The following FAT3 variants were observed in gnomAD, a reference collection of about 807,000 sequenced individuals.
FAT3 encodes protocadherin Fat 3.
FAT3 carries 95 observed loss-of-function variants against 310.2 expected under a neutral mutation model. The ratio of observed to expected loss-of-function variants is 0.31; its 90% CI spans 0.26 to 0.36. FAT3 has a LOEUF of 0.36. Ranked by LOEUF, FAT3 falls within the 10% of genes least tolerant of loss-of-function variation. The pLI is 1.00. For synonymous variants in FAT3, 2,314 were observed against 2,192.9 expected (o/e 1.06, Z -1.54); for missense variants, 5,408 against 5,715.6 (o/e 0.95, Z 1.74).
chr11:92,656,498 ATCT>A (rs1329726279), intron 3 of FAT3, among the ~76,000 whole-genome samples: 1 of 152,222 alleles, frequency 6.6e-6, no homozygotes, highest in Non-Finnish European at 1.5e-5. Flanking sequence ...GCATGTAGAC[ATCT>A]TCTTGATGTA....
chr11:92,442,106 TA>T (rs1565320177), intron 2 of FAT3, among the ~76,000 whole-genome samples: 36 of 17,168 alleles, frequency 2.1e-3, no homozygotes, highest in Non-Finnish European at 4.3e-3. Flanking sequence ...TATATATATA[TA>T]TATATTTTTT....
At chr11:92,527,659 A>G (rs1953913587) in intron 3 of FAT3, among the ~76,000 whole-genome samples, 3 of 152,214 alleles carry the variant, frequency 2.0e-5, no homozygotes, top group Admixed American at 6.5e-5. Context: ...TCTAAGTATC[A>G]TGCTGCCTAG....
intron 2 of FAT3, among the ~76,000 whole-genome samples, chr11:92,492,960 T>G (rs1158543169): frequency 1.3e-5 from 2 of 152,098 alleles, no homozygotes; most frequent in African/African-American, 4.8e-5. Context: ...TAAGAGGAGT[T>G]AACAGAGTTT....
rs142858242 is a variant in FAT3, at chr11:92,876,309, G to A, written c.12128-4422G>A. Among the ~76,000 whole-genome samples, 429 of 152,242 alleles carry A rather than the reference G, an allele frequency of 2.8e-3. 4 individuals carry two copies. The highest frequency in any genetic ancestry group is 0.01 in the African/African-American group (417 of 41,540). On this transcript the variant is annotated intron_variant, in intron 22 of 27. Coordinates refer to ENST00000525166, the MANE Select transcript of FAT3 (RefSeq NM_001367949.2). The stretch of plus-strand genomic sequence containing the variant: ...GACATGCCATCATAGCCAACAACTA[G>A]CCAGGTGACACAAAGAAGCGTTTTT...
intron 3 of FAT3, among the ~76,000 whole-genome samples, chr11:92,624,415 G>T (rs763143758): frequency 2.6e-5 from 4 of 152,170 alleles, no homozygotes; most frequent in Non-Finnish European, 5.9e-5. Flanking sequence ...ATCCTAAAGG[G>T]CCTGGCATGT....
intron 3 of FAT3, among the ~76,000 whole-genome samples, chr11:92,637,651 TA>T (rs1472914388): frequency 5.3e-5 from 8 of 152,200 alleles, no homozygotes; most frequent in African/African-American, 1.9e-4. Context: ...GAACATACGT[TA>T]AGAACTATAG....
intron 13 of FAT3, among the ~76,000 whole-genome samples, chr11:92,823,975 T>C (rs1948037489): frequency 6.6e-6 from 1 of 152,210 alleles, no homozygotes; most frequent in African/African-American, 2.4e-5. Flanking sequence ...TTAAGCTGTT[T>C]CATTGTAGTG....
intron 3 of FAT3, among the ~76,000 whole-genome samples, chr11:92,546,135 C>T (rs1195768835): frequency 6.6e-6 from 1 of 152,174 alleles, no homozygotes; most frequent in Non-Finnish European, 1.5e-5. Flanking sequence ...ATGATACTTT[C>T]CAAGTTTCAA....
Position 92,781,502 on chromosome 11 carries a change from T to C in FAT3, c.4335+7322T>C, listed in dbSNP as rs185961220. 4.3e-4 allele frequency among the ~76,000 whole-genome samples: 66 copies of C among 152,302 alleles called. No homozygotes were observed. The East Asian group carries it at 0.012, about 27-fold the overall frequency. ...GCTTAGGTATACATAGGTAAAGAGA[T>C]ATAAACCTGCTTCTTCTCAAAATCA... On this transcript the variant is annotated intron_variant, in intron 7 of 27. Transcript: ENST00000525166.
At chr11:92,320,531 T>C (rs1276652761) in intron 1 of FAT3, among the ~76,000 whole-genome samples, 1 of 152,162 alleles carries the variant, frequency 6.6e-6, no homozygotes, top group East Asian at 1.9e-4. Context: ...AGGATCAAAT[T>C]CATTTTTTTG....
intron 2 of FAT3, among the ~76,000 whole-genome samples, chr11:92,387,516 A>G (rs1232473805): frequency 1.3e-5 from 2 of 152,098 alleles, no homozygotes; most frequent in African/African-American, 4.8e-5. Context: ...GGATGAATTG[A>G]AGCACCCAAC....
chr11:92,566,503 C>T (rs1187948831), intron 3 of FAT3, among the ~76,000 whole-genome samples: 5 of 151,578 alleles, frequency 3.3e-5, no homozygotes, highest in African/African-American at 1.2e-4. Context: ...ATCAAGCTAC[C>T]AATGACTTTC....
intron 7 of FAT3, among the ~76,000 whole-genome samples, chr11:92,789,117 T>G (rs761580712): frequency 3.3e-5 from 5 of 152,178 alleles, no homozygotes; most frequent in Non-Finnish European, 7.3e-5. Flanking sequence ...TTTCTCTGTT[T>G]AGGTGCAGCA....
chr11:92,371,528 C>A (rs1949187840), intron 2 of FAT3, among the ~76,000 whole-genome samples: 2 of 152,228 alleles, frequency 1.3e-5, no homozygotes, highest in South Asian at 2.1e-4. Context: ...CCAGCCTTGC[C>A]AACATGGTGA....
chr11:92,737,197 A>G (rs1463198453), intron 4 of FAT3, among the ~76,000 whole-genome samples: 1 of 152,188 alleles, frequency 6.6e-6, no homozygotes, highest in Non-Finnish European at 1.5e-5. Context: ...AGCAGAGGGG[A>G]AAGAAATTGA....
At chr11:92,702,301 A>G (rs1944122193) in intron 4 of FAT3, among the ~76,000 whole-genome samples, 1 of 152,186 alleles carries the variant, frequency 6.6e-6, no homozygotes, top group South Asian at 2.1e-4. Flanking sequence ...GTGTGAATGA[A>G]TGCTTACATT....
At chr11:92,355,650 G>T (rs1282693036) in intron 2 of FAT3, among the ~76,000 whole-genome samples, 1 of 152,210 alleles carries the variant, frequency 6.6e-6, no homozygotes. Flanking sequence ...TTCTTGCTCA[G>T]CACTATTGCT....
chr11:92,792,896 C>T lies in FAT3; in HGVS notation c.4741C>T (p.Leu1581=), dbSNP rs1310284407. 1 of 1,613,710 alleles carries T rather than the reference C, an allele frequency of 6.2e-7. No homozygotes were observed. The highest frequency in any genetic ancestry group is 1.3e-5 in the African/African-American group (1 of 74,906). ...YEASVFESAA[L]GSAVLQVTAL... ...AGCGTCTGTGTTTGAATCTGCTGCT[C>T]TGGGATCAGCTGTTCTGCAAGTGAC... The change falls in exon 9 of 28, where the codon CTG becomes TTG. Residue 1581 remains leucine (L), a synonymous_variant. Transcript: ENST00000525166.
At chr11:92,739,413 G>A (rs1051652000) in intron 4 of FAT3, among the ~76,000 whole-genome samples, 1 of 152,128 alleles carries the variant, frequency 6.6e-6, no homozygotes. Flanking sequence ...CATTCCTATT[G>A]CCTTAAAGCC....
Sources: gnomAD v4.1 joint callset for allele counts (sites outside exome capture counted in the v4.1 genomes callset) on GRCh38, gnomAD v4.1.1 for gene constraint, MANE v1.5 for transcripts, NCBI Gene and HGNC (gene_info 2026-07-23, HGNC 2026-07-21) for gene names.